XPO6: variants seen among roughly 807,000 people sequenced by gnomAD.
XPO6 encodes exportin-6.
In XPO6, 3 loss-of-function variants were observed where a neutral mutation model predicts 130.0. That is an observed-to-expected ratio of 0.02 (90% confidence interval 0.01 to 0.06). XPO6 has a LOEUF of 0.06. XPO6 is among the 10% of genes least tolerant of loss of function. The pLI is 1.00. For synonymous variants in XPO6, 524 were observed against 548.9 expected, an observed-to-expected ratio of 0.95 and a Z score of 0.63; for missense variants, 970 against 1,393.0, an observed-to-expected ratio of 0.70 and a Z score of 4.83.
intron 12 of XPO6, among the ~76,000 whole-genome samples, chr16:28,130,514 C>T (rs886856332): frequency 1.3e-5 from 2 of 152,168 alleles, no homozygotes; most frequent in African/African-American, 4.8e-5. Flanking sequence ...AGCCTTTGCA[C>T]TGGAAACTTG....
At chr16:28,110,361 G>C (rs1326718761) in intron 17 of XPO6, among the ~76,000 whole-genome samples, 1 of 152,186 alleles carries the variant, frequency 6.6e-6, no homozygotes, top group African/African-American at 2.4e-5. Context: ...GTTAGTTTCA[G>C]GCAAGACCTT....
chr16:28,100,489 G>A (rs532290275), intron 23 of XPO6, among the ~76,000 whole-genome samples: 1 of 152,326 alleles, frequency 6.6e-6, no homozygotes, highest in Admixed American at 6.5e-5. Flanking sequence ...AGAACAGGAT[G>A]AGTCTAAGCA....
At position 28,211,709 on chromosome 16, in the gene XPO6, G is replaced by T; in HGVS notation, c.-341C>A. On this transcript the variant is annotated 5_prime_UTR_variant, in exon 1 of 24. Transcript: ENST00000304658. ...GGGGGAGGCTGCGGGCCCAGGCAGG[G>T]GCTCCCCGGCCTCCGCGGGCAGAGG... 2.6e-6 allele frequency: 1 copy of T among 383,210 alleles called. No homozygotes were observed. The highest frequency in any genetic ancestry group is 4.6e-6 in the Non-Finnish European group (1 of 216,560). 23.7% of individuals were successfully genotyped at this position (383,210 alleles called of 1,614,324 possible).
chr16:28,118,529 T>C (rs2087132683), intron 14 of XPO6, among the ~76,000 whole-genome samples: 1 of 152,076 alleles, frequency 6.6e-6, no homozygotes, highest in Admixed American at 6.5e-5. Context: ...CCAGGCTAAT[T>C]GTCGTATTTT....
intron 15 of XPO6, among the ~76,000 whole-genome samples, chr16:28,116,474 A>G (rs909215359): frequency 6.7e-6 from 1 of 149,596 alleles, no homozygotes; most frequent in Non-Finnish European, 1.5e-5. Flanking sequence ...CAACAACAAA[A>G]ACGACAAAAA....
At chr16:28,121,787 A>G in intron 13 of XPO6, 25 bp from the exon 14 acceptor site, 1 of 1,501,724 alleles carries the variant, frequency 6.7e-7, no homozygotes, top group Non-Finnish European at 9.3e-7. Flanking sequence ...GCAGGTAAAC[A>G]AGAACATTCA....
intron 1 of XPO6, among the ~76,000 whole-genome samples, chr16:28,203,404 C>T (rs116555150): frequency 6.6e-4 from 101 of 152,190 alleles, no homozygotes; most frequent in African/African-American, 2.3e-3. Flanking sequence ...ACCCTTTCAA[C>T]ACAGCCTGTG....
At chr16:28,203,150 G>C (rs146462654) in intron 1 of XPO6, among the ~76,000 whole-genome samples, 3 of 152,024 alleles carry the variant, frequency 2.0e-5, no homozygotes, top group Non-Finnish European at 2.9e-5. Context: ...TGATGCATAC[G>C]TATAGTTCCA....
At chr16:28,201,649 G>A (rs2043954763) in intron 1 of XPO6, among the ~76,000 whole-genome samples, 1 of 152,144 alleles carries the variant, frequency 6.6e-6, no homozygotes, top group African/African-American at 2.4e-5. Context: ...GAGGTCAGGA[G>A]ATCGAGACCA....
chr16:28,159,251 G>A (rs1357689830), intron 6 of XPO6, among the ~76,000 whole-genome samples: 2 of 151,250 alleles, frequency 1.3e-5, no homozygotes, highest in African/African-American at 4.9e-5. Flanking sequence ...AAAAAGAAAA[G>A]AAGAAAAAAA....
rs1299027459 is a variant in XPO6 at position 28,206,740 on chromosome 16, T to C, written c.3+4626A>G. Among the ~76,000 whole-genome samples the C allele has an allele frequency of 5.9e-5, 9 of 152,282 alleles. No individual in the cohort carries two copies. In the South Asian group the frequency reaches 1.9e-3, roughly 32 times the overall value. Reference sequence around the variant, plus strand: ...TTGACAGGTAACTTTTTCTCCAGACTTTCTCTAATGCTGTGACTGACATAC... The same window carrying C: ...TTGACAGGTAACTTTTTCTCCAGACCTTCTCTAATGCTGTGACTGACATAC... On this transcript the variant is annotated intron_variant, in intron 1 of 23. Transcript: ENST00000304658.
chr16:28,156,579 G>A (rs1467736440), intron 6 of XPO6, 52 bp from the exon 7 acceptor site: 1 of 1,378,472 alleles, frequency 7.3e-7, no homozygotes, highest in African/African-American at 1.5e-5. Flanking sequence ...TCTTACAAAT[G>A]ACTTTAAGTA....
At position 28,102,986 on chromosome 16, in the gene XPO6, G is replaced by A. The variant is rs553048271; in HGVS notation, c.2947-1041C>T. Among the ~76,000 whole-genome samples the A allele has an allele frequency of 2.0e-5, 3 of 152,224 alleles. No homozygotes were observed. The South Asian group carries it at 6.2e-4, about 32-fold the overall frequency. ...GCAGCAGGGATGAGATCTCCATGAT[G>A]ACCAATAGTTTCCACTTATTTACTG... On this transcript the variant is annotated intron_variant, in intron 21 of 23. Transcript: ENST00000304658.
chr16:28,107,035 T>A (rs72789638), intron 18 of XPO6, among the ~76,000 whole-genome samples: 2,012 of 152,298 alleles, frequency 0.013, 19 homozygotes, highest in Non-Finnish European at 0.019. Flanking sequence ...TCTTGTGTAG[T>A]GTGTTTCAGC....
intron 17 of XPO6, among the ~76,000 whole-genome samples, chr16:28,110,463 C>G (rs967438556): frequency 6.6e-6 from 1 of 152,232 alleles, no homozygotes; most frequent in Non-Finnish European, 1.5e-5. Context: ...GTGACCTCCC[C>G]ACTCTGCTGA....
chr16:28,128,477 C>T (rs547951440), intron 12 of XPO6, among the ~76,000 whole-genome samples: 1 of 152,258 alleles, frequency 6.6e-6, no homozygotes, highest in East Asian at 1.9e-4. Flanking sequence ...TCTATAGTAT[C>T]CAATTCCTTC....
rs1028018294 is a variant in XPO6 at position 28,106,688 on chromosome 16, G to T, written c.2498-191C>A. ...CGATTAGGGACATGCTGAGAAAATA[G>T]TTCTGGTATAGGGAACCTCCACCTG... is the stretch of plus-strand genomic sequence containing the variant. On this transcript the variant is annotated intron_variant, in intron 18 of 23. Transcript: ENST00000304658. The surrounding 1 kb of genome is among the most constrained non-coding windows in gnomAD (Gnocchi z 4.2). 1.3e-5 allele frequency among the ~76,000 whole-genome samples: 2 copies of T among 152,182 alleles called. No individual in the cohort carries two copies. The highest frequency in any genetic ancestry group is 4.8e-5 in the African/African-American group (2 of 41,444).
At chr16:28,104,252 C>T (rs571451233) in intron 21 of XPO6, among the ~76,000 whole-genome samples, 9 of 152,340 alleles carry the variant, frequency 5.9e-5, no homozygotes, top group Admixed American at 2.0e-4. Context: ...GCTCTTTACA[C>T]TTGGGGAAAC....
chr16:28,147,253 G>C (rs988434297), intron 8 of XPO6, among the ~76,000 whole-genome samples: 1 of 152,152 alleles, frequency 6.6e-6, no homozygotes, highest in Non-Finnish European at 1.5e-5. Flanking sequence ...TACCTAAGCT[G>C]AAGTCTGAGA....
Sources: allele counts gnomAD v4.1 joint callset (sites outside exome capture counted in the v4.1 genomes callset), GRCh38; gene constraint gnomAD v4.1.1; non-coding constraint Gnocchi (gnomAD v3.1); transcripts MANE v1.5; gene names NCBI Gene and HGNC (gene_info 2026-07-23, HGNC 2026-07-21).